Variants in FEM1C observed in about 807,000 individuals in gnomAD.
FEM1C encodes fem-1 homolog C.
In FEM1C, 15 loss-of-function variants were observed where a neutral mutation model predicts 37.6. The ratio of observed to expected loss-of-function variants is 0.40; its 90% CI spans 0.27 to 0.61. FEM1C has a LOEUF of 0.61. FEM1C is among the 20% of genes least tolerant of loss of function. The pLI, the probability that FEM1C is intolerant of heterozygous loss-of-function variation, is 0.42. For missense variants in FEM1C, 532 were observed against 749.7 expected (o/e 0.71, Z 3.39); for synonymous variants, 287 against 272.8 (o/e 1.05, Z -0.51).
intron 2 of FEM1C, among the ~76,000 whole-genome samples, chr5:115,534,373 T>A (rs891046250): frequency 1.3e-5 from 2 of 151,864 alleles, no homozygotes; most frequent in African/African-American, 4.8e-5. Flanking sequence ...GAATCAACAT[T>A]TTTTTCAAAT....
rs1299568729 is a variant in FEM1C, at chr5:115,521,228, A to G, written c.*3080T>C. The G allele has an allele frequency of 6.6e-6, 1 of 151,792 alleles. No individual in the cohort carries two copies. The highest frequency in any genetic ancestry group is 1.5e-5 in the Non-Finnish European group (1 of 67,744). 9.4% of individuals were successfully genotyped at this position (151,792 alleles called of 1,614,324 possible). ...TATGTCATTATCTCATCCAGCCTGC[A>G]CAATTCTAAGAAAATTAATTACAAA... On this transcript the variant is annotated 3_prime_UTR_variant, in exon 3 of 3. Transcript: ENST00000274457.
Position 115,522,132 on chromosome 5 carries a change from CAA to C in FEM1C, c.*2174_*2175del, listed in dbSNP as rs1462298517. 6.6e-6 allele frequency: 1 copy of C among 151,628 alleles called. No homozygotes were observed. The highest frequency in any genetic ancestry group is 2.4e-5 in the African/African-American group (1 of 41,328). The allele number at this position is 151,628 out of a possible 1,614,324, so 9.4% of individuals were successfully genotyped here. A position where few individuals can be genotyped will look rare whatever the true frequency, so the allele number is the denominator to read the frequency against. On this transcript the variant is annotated 3_prime_UTR_variant, in exon 3 of 3. Transcript: ENST00000274457. ...CATGTAAGCCCTCCCACCCAGCCCC[CAA>C]AGAGGAGGAGGAAATACTAAATCAA...
intron 2 of FEM1C, among the ~76,000 whole-genome samples, chr5:115,526,870 T>C (rs922266840): frequency 2.0e-5 from 3 of 152,100 alleles, no homozygotes; most frequent in African/African-American, 7.2e-5. Flanking sequence ...GTAGAAACAA[T>C]GCAGTTTATG....
intron 2 of FEM1C, among the ~76,000 whole-genome samples, chr5:115,542,178 TTGC>T (rs1404248810): frequency 1.3e-5 from 2 of 152,200 alleles, no homozygotes; most frequent in Non-Finnish European, 2.9e-5. Flanking sequence ...AAACTACTTT[TTGC>T]TGCTTTTAGT....
intron 1 of FEM1C, chr5:115,544,011 A>T (rs1293476463): frequency 2.0e-6 from 2 of 985,264 alleles, no homozygotes; most frequent in South Asian, 4.7e-5. Flanking sequence ...AGTACAACCG[A>T]AAGAGGCAGG....
intron 2 of FEM1C, among the ~76,000 whole-genome samples, chr5:115,538,861 C>G (rs746807073): frequency 3.3e-5 from 5 of 151,928 alleles, no homozygotes; most frequent in Non-Finnish European, 5.9e-5. Context: ...AGATCCACAT[C>G]CCAATAAACT....
intron 2 of FEM1C, among the ~76,000 whole-genome samples, chr5:115,531,031 C>T (rs577275505): frequency 6.6e-6 from 1 of 152,064 alleles, no homozygotes; most frequent in Admixed American, 6.6e-5. Context: ...CTGTTGCCCC[C>T]TTTTAATCTT....
In FEM1C at chr5:115,525,629, A is replaced by T. The variant is rs1753874715; in HGVS notation, c.545-12T>A. The T allele has an allele frequency of 1.9e-6, 3 of 1,591,894 alleles. No individual in the cohort carries two copies. The highest frequency in any genetic ancestry group is 2.6e-6 in the Non-Finnish European group (3 of 1,168,724). On this transcript the variant is annotated splice_polypyrimidine_tract_variant and intron_variant, in intron 2 of 2. Coordinates refer to ENST00000274457, the MANE Select transcript of FEM1C (RefSeq NM_020177.3). ...CAATGCAGTATTACCTTAAAGAGAGAGAGAAAAAAAGAAATAACATACATT... is the reference window on the plus strand; with the variant it reads ...CAATGCAGTATTACCTTAAAGAGAGTGAGAAAAAAAGAAATAACATACATT...
rs149078223 is a variant in FEM1C at position 115,521,160 on chromosome 5, T to A, written c.*3148A>T. On this transcript the variant is annotated 3_prime_UTR_variant, in exon 3 of 3. Transcript: ENST00000274457. ...TCCTTAGTATCTAACTCTAAAATGGTTAAAGTTCTAGGCAATAATGCTGCT... is the reference window on the plus strand; with the variant it reads ...TCCTTAGTATCTAACTCTAAAATGGATAAAGTTCTAGGCAATAATGCTGCT... The A allele has an allele frequency of 6.6e-6, 1 of 151,526 alleles. No homozygotes were observed. The highest frequency in any genetic ancestry group is 2.4e-5 in the African/African-American group (1 of 41,344). 9.4% of individuals were successfully genotyped at this position (151,526 alleles called of 1,614,324 possible).
At chr5:115,543,750 T>A in intron 1 of FEM1C, 67 bp from the exon 2 acceptor site, 3 of 1,276,136 alleles carry the variant, frequency 2.4e-6, no homozygotes, top group African/African-American at 1.5e-5. Context: ...ACTTCTTAAT[T>A]TCCACTTCTG....
Position 115,523,675 on chromosome 5 carries a change from TAA to T in FEM1C, c.*631_*632del, listed in dbSNP as rs1440964846. The T allele has an allele frequency of 2.0e-5, 3 of 152,516 alleles. No homozygotes were observed. Among genetic ancestry groups the T allele is most frequent in the African/African-American group, 7.2e-5 (3 of 41,422 alleles). The allele number at this position is 152,516 out of a possible 1,614,324, so 9.4% of individuals were successfully genotyped here. A position where few individuals can be genotyped will look rare whatever the true frequency, so the allele number is the denominator to read the frequency against. On this transcript the variant is annotated 3_prime_UTR_variant, in exon 3 of 3. Transcript: ENST00000274457. ...ATGCTACAGAGTACTTTCAAAAAAT[TAA>T]GTTTGTAACAAACATAAGAAAACAG...
intron 2 of FEM1C, among the ~76,000 whole-genome samples, chr5:115,537,094 A>G (rs951486427): frequency 6.6e-6 from 1 of 151,998 alleles, no homozygotes; most frequent in African/African-American, 2.4e-5. Context: ...GGGAGGAAAA[A>G]AAGAAGGAAG....
Position 115,524,706 on chromosome 5 carries a change from G to A in FEM1C, c.1456C>T (p.Leu486Phe). 1.3e-6 allele frequency: 2 copies of A among 1,540,496 alleles called. No individual in the cohort carries two copies. Among genetic ancestry groups the A allele is most frequent in the Non-Finnish European group, 1.7e-6 (2 of 1,148,650 alleles). ...HPRGKNNFSP[L>F]HLAVDKNTTC... Reference sequence around the variant, plus strand: ...GTATTCTTGTCCACAGCCAGATGAAGAGGGCTGAAGTTATTCTTTCCCCTT... The same window carrying A: ...GTATTCTTGTCCACAGCCAGATGAAAAGGGCTGAAGTTATTCTTTCCCCTT... The change falls in exon 3 of 3, where the codon CTT becomes TTT. Residue 486 changes from leucine to phenylalanine, a missense_variant. This residue lies in a region of FEM1C where 237 missense variants were observed against 260.5 expected (regional missense o/e 0.91). Coordinates refer to ENST00000274457, the MANE Select transcript of FEM1C (RefSeq NM_020177.3).
At chr5:115,536,837 C>T (rs1252588073) in intron 2 of FEM1C, among the ~76,000 whole-genome samples, 1 of 151,898 alleles carries the variant, frequency 6.6e-6, no homozygotes, top group African/African-American at 2.4e-5. Context: ...AAGTTAAACG[C>T]TAAAAAATAT....
At chr5:115,532,878 A>G (rs986558069) in intron 2 of FEM1C, among the ~76,000 whole-genome samples, 8 of 152,080 alleles carry the variant, frequency 5.3e-5, no homozygotes, top group African/African-American at 1.9e-4. Flanking sequence ...ATAAGGACAG[A>G]TAACAGAGCA....
chr5:115,524,468 C>T lies in FEM1C; in HGVS notation c.1694G>A (p.Ser565Asn), dbSNP rs773610714. The T allele has an allele frequency of 4.3e-6, 7 of 1,613,044 alleles. No individual in the cohort carries two copies. The East Asian group carries it at 1.3e-4, about 31-fold the overall frequency. Residue 565 changes from serine (S) to asparagine (N), a missense_variant, in exon 3 of 3, where the codon AGT (serine) becomes AAT (asparagine). Ser to Asn is a conservative substitution (Grantham distance 46, BLOSUM62 1). This residue lies in a region of FEM1C where 237 missense variants were observed against 260.5 expected (regional missense o/e 0.91). Transcript: ENST00000274457. ...DATNLHKQTA[S>N]DLLDEKEIAK... ...TATTTCCTTCTCATCCAGCAAGTCA[C>T]TAGCAGTTTGTTTGTGCAAGTTTGT...
At chr5:115,544,151 G>A in intron 1 of FEM1C, 1 of 985,442 alleles carries the variant, frequency 1.0e-6, no homozygotes, top group Non-Finnish European at 1.2e-6. Context: ...CCCCGGCTAA[G>A]GCCAAAACTG....
intron 2 of FEM1C, among the ~76,000 whole-genome samples, chr5:115,538,874 C>T (rs1754183439): frequency 6.6e-6 from 1 of 151,992 alleles, no homozygotes; most frequent in Non-Finnish European, 1.5e-5. Context: ...AATAAACTTT[C>T]TGCAGATCTA....
chr5:115,538,826 T>G (rs1481486269), intron 2 of FEM1C, among the ~76,000 whole-genome samples: 1 of 151,896 alleles, frequency 6.6e-6, no homozygotes, highest in South Asian at 2.1e-4. Context: ...TTCCTAAACC[T>G]TCAAAACTGC....
Sources: allele counts gnomAD v4.1 joint callset (sites outside exome capture counted in the v4.1 genomes callset), GRCh38; gene constraint gnomAD v4.1.1; regional missense constraint gnomAD v4.1.1; transcripts MANE v1.5; gene names NCBI Gene and HGNC (gene_info 2026-07-23, HGNC 2026-07-21).